MAP3K20: variants seen among roughly 807,000 people sequenced by gnomAD.
The protein encoded by MAP3K20 is mitogen-activated protein kinase kinase kinase 20, also known as HCCS-4.
MAP3K20 carries 40 observed loss-of-function variants against 85.7 expected under a neutral mutation model. That is an observed-to-expected ratio of 0.47 (90% CI 0.36 to 0.61). MAP3K20 has a LOEUF of 0.61. MAP3K20 is among the 20% of genes least tolerant of loss of function. MAP3K20 has a pLI of 0.00. For missense variants in MAP3K20, 817 were observed against 961.7 expected (o/e 0.85, Z 1.99); for synonymous variants, 325 against 327.7 (o/e 0.99, Z 0.09).
chr2:173,157,119 A>T (rs934677302), intron 2 of MAP3K20, among the ~76,000 whole-genome samples: 1 of 152,178 alleles, frequency 6.6e-6, no homozygotes, highest in Non-Finnish European at 1.5e-5. Context: ...ATTAAGTATG[A>T]GACAGTTCAT....
chr2:173,235,270 T>C (rs1235567717), intron 14 of MAP3K20, among the ~76,000 whole-genome samples: 3 of 152,190 alleles, frequency 2.0e-5, no homozygotes, highest in Non-Finnish European at 4.4e-5. Flanking sequence ...TACGTCCAGA[T>C]AGGGTGTGCA....
At chr2:173,169,567 T>A (rs1159797064) in intron 2 of MAP3K20, among the ~76,000 whole-genome samples, 6 of 149,896 alleles carry the variant, frequency 4.0e-5, no homozygotes, top group African/African-American at 1.5e-4. Context: ...AAAAAAAAAA[T>A]TAATTAGCTG....
chr2:173,256,506 TAGATAGATAGATAGATAGATAGATAGAC>T (rs1328478967), intron 16 of MAP3K20, among the ~76,000 whole-genome samples: 3 of 148,834 alleles, frequency 2.0e-5, no homozygotes, highest in South Asian at 2.2e-4. Flanking sequence ...GATAGATAGA[TAGATAGATAGATAGATAGATAGATAGAC>T]AGACAGACAG....
chr2:173,078,538 G>T (rs1450603142), intron 1 of MAP3K20, among the ~76,000 whole-genome samples: 1 of 152,196 alleles, frequency 6.6e-6, no homozygotes, highest in African/African-American at 2.4e-5. Flanking sequence ...ATGAATGCTA[G>T]AGCTTAGATT....
At chr2:173,121,478 C>G (rs1172816167) in intron 2 of MAP3K20, among the ~76,000 whole-genome samples, 2 of 152,116 alleles carry the variant, frequency 1.3e-5, no homozygotes, top group Non-Finnish European at 2.9e-5. Flanking sequence ...GCTCTGCCTC[C>G]CGGGTTCACG....
At chr2:173,152,583 T>C (rs536679487) in intron 2 of MAP3K20, among the ~76,000 whole-genome samples, 1 of 152,270 alleles carries the variant, frequency 6.6e-6, no homozygotes, top group East Asian at 1.9e-4. Context: ...AAAAAACCTT[T>C]CTGCTCAAAG....
intron 11 of MAP3K20, chr2:173,222,445 A>T (rs1684277692): frequency 1.0e-6 from 1 of 985,750 alleles, no homozygotes; most frequent in Admixed American, 6.1e-5. Flanking sequence ...ACTGCTGGCC[A>T]TGGAAGCCTC....
intron 2 of MAP3K20, among the ~76,000 whole-genome samples, chr2:173,146,871 T>C (rs1689153911): frequency 1.3e-5 from 2 of 152,222 alleles, no homozygotes; most frequent in South Asian, 4.1e-4. Context: ...ACACTTGTTA[T>C]TCTCTGTCTT....
At chr2:173,117,382 G>A (rs1256964615) in intron 2 of MAP3K20, among the ~76,000 whole-genome samples, 1 of 152,106 alleles carries the variant, frequency 6.6e-6, no homozygotes, top group Non-Finnish European at 1.5e-5. Context: ...GGGTTCATGA[G>A]ATCTGGCTAC....
At chr2:173,225,799 C>A in intron 11 of MAP3K20, 10 of 985,016 alleles carry the variant, frequency 1.0e-5, no homozygotes, top group South Asian at 4.7e-5. Context: ...TCTTAAATCA[C>A]CATTTCCCTA....
intron 8 of MAP3K20, among the ~76,000 whole-genome samples, chr2:173,203,288 G>A (rs957737136): frequency 1.3e-5 from 2 of 152,100 alleles, no homozygotes; most frequent in Non-Finnish European, 2.9e-5. Flanking sequence ...AAACAAAGCC[G>A]TAATCAGTCA....
chr2:173,092,420 A>AAAAG (rs1415577978), intron 2 of MAP3K20, among the ~76,000 whole-genome samples: 1 of 152,200 alleles, frequency 6.6e-6, no homozygotes, highest in African/African-American at 2.4e-5. Context: ...TAGCCCTTTT[A>AAAAG]GCTGATCAAT....
intron 10 of MAP3K20, among the ~76,000 whole-genome samples, chr2:173,216,542 A>C (rs1040098592): frequency 1.3e-5 from 2 of 151,906 alleles, no homozygotes; most frequent in African/African-American, 4.8e-5. Context: ...TGCCTATGTA[A>C]GTCTAAGGAT....
intron 1 of MAP3K20, among the ~76,000 whole-genome samples, chr2:173,086,384 T>C (rs1042917175): frequency 2.0e-5 from 3 of 152,188 alleles, no homozygotes; most frequent in African/African-American, 7.2e-5. Context: ...TATATATGGT[T>C]TAACTTTCAT....
intron 11 of MAP3K20, among the ~76,000 whole-genome samples, chr2:173,227,900 G>A (rs1240344763): frequency 6.6e-6 from 1 of 152,184 alleles, no homozygotes. Flanking sequence ...TGGGAGAAGG[G>A]AATGGCATGA....
chr2:173,081,928 C>T (rs927655452), intron 1 of MAP3K20, among the ~76,000 whole-genome samples: 8 of 152,130 alleles, frequency 5.3e-5, no homozygotes, highest in Admixed American at 1.3e-4. Flanking sequence ...CACTCTACAC[C>T]GCATATCCCA....
chr2:173,236,311 G>A (rs1411796326), intron 14 of MAP3K20, among the ~76,000 whole-genome samples: 1 of 151,366 alleles, frequency 6.6e-6, no homozygotes, highest in African/African-American at 2.4e-5. Flanking sequence ...AGGGGACAGG[G>A]GTCTAAGCTT....
At chr2:173,145,026 A>T (rs1285796084) in intron 2 of MAP3K20, among the ~76,000 whole-genome samples, 1 of 152,162 alleles carries the variant, frequency 6.6e-6, no homozygotes, top group East Asian at 1.9e-4. Flanking sequence ...GGAGTAGGAT[A>T]TGCATATGAA....
intron 11 of MAP3K20, chr2:173,223,616 T>C: frequency 3.0e-6 from 3 of 985,450 alleles, no homozygotes; most frequent in Non-Finnish European, 3.6e-6. Flanking sequence ...AAACAGATTT[T>C]TTCTGTTGCT....
Sources: gnomAD v4.1 joint callset for allele counts (sites outside exome capture counted in the v4.1 genomes callset) on GRCh38, gnomAD v4.1.1 for gene constraint, MANE v1.5 for transcripts, NCBI Gene and HGNC (gene_info 2026-07-23, HGNC 2026-07-21) for gene names.